HACE1: variants seen among roughly 807,000 people sequenced by gnomAD.
HACE1 encodes HECT domain and ankyrin repeat containing E3 ubiquitin protein ligase 1.
In HACE1, 73 loss-of-function variants were observed where a neutral mutation model predicts 118.4. The ratio of observed to expected loss-of-function variants is 0.62; its 90% CI spans 0.51 to 0.75. The LOEUF (loss-of-function observed/expected upper bound fraction) is 0.75, where lower values mean the gene tolerates loss of function less well. Among genes scored for constraint, HACE1 ranks in the 30% least tolerant of loss-of-function variants. The pLI, the probability that HACE1 is intolerant of heterozygous loss-of-function variation, is 0.00. For synonymous variants in HACE1, 368 were observed against 374.8 expected (o/e 0.98, Z 0.21); for missense variants, 749 against 1,102.2 (o/e 0.68, Z 4.54).
chr6:104,774,336 C>T (rs1276720561), intron 17 of HACE1, among the ~76,000 whole-genome samples: 9 of 110,892 alleles, frequency 8.1e-5, no homozygotes, highest in Non-Finnish European at 1.7e-4. Flanking sequence ...GTGATCCGCC[C>T]GCCTCGGCCT....
intron 19 of HACE1, among the ~76,000 whole-genome samples, chr6:104,760,912 CAGAG>C (rs1047328235): frequency 1.3e-5 from 2 of 152,056 alleles, no homozygotes; most frequent in African/African-American, 4.8e-5. Context: ...AAGAGACAAA[CAGAG>C]AGACAAATCA....
chr6:104,752,680 G>T (rs1778190662), intron 19 of HACE1, among the ~76,000 whole-genome samples: 1 of 151,846 alleles, frequency 6.6e-6, no homozygotes, highest in South Asian at 2.1e-4. Flanking sequence ...ATATCTATCA[G>T]AATAGTATAT....
chr6:104,808,753 C>T (rs1041814746), intron 7 of HACE1, among the ~76,000 whole-genome samples: 93 of 152,144 alleles, frequency 6.1e-4, no homozygotes, highest in African/African-American at 2.2e-3. Context: ...TCAGAAATAA[C>T]ACATTGGGAA....
chr6:104,826,734 C>T (rs577442520), intron 6 of HACE1, among the ~76,000 whole-genome samples: 17 of 152,272 alleles, frequency 1.1e-4, no homozygotes, highest in African/African-American at 4.1e-4. Flanking sequence ...TTAAGAGCTA[C>T]GCTACATTTA....
At chr6:104,804,177 AAGG>A (rs1476877180) in intron 7 of HACE1, among the ~76,000 whole-genome samples, 3 of 152,234 alleles carry the variant, frequency 2.0e-5, no homozygotes, top group African/African-American at 7.2e-5. Context: ...GGACCTCTTC[AAGG>A]AGAACTACAA....
At chr6:104,797,680 T>G (rs899238579) in intron 7 of HACE1, among the ~76,000 whole-genome samples, 4 of 152,058 alleles carry the variant, frequency 2.6e-5, no homozygotes, top group African/African-American at 9.7e-5. Flanking sequence ...AACTCTCCTA[T>G]CCATATGCCT....
At chr6:104,811,879 T>C (rs922742142) in intron 6 of HACE1, among the ~76,000 whole-genome samples, 3 of 152,034 alleles carry the variant, frequency 2.0e-5, no homozygotes, top group African/African-American at 4.8e-5. Context: ...GAATAATAAC[T>C]TTCCCAAAGT....
chr6:104,857,786 T>C lies in HACE1; in HGVS notation c.76+1781A>G, dbSNP rs1227843478. Among the ~76,000 whole-genome samples, 11 of 151,752 alleles carry C rather than the reference T, an allele frequency of 7.2e-5. No individual in the cohort carries two copies. The East Asian group carries it at 2.1e-3, about 29-fold the overall frequency. On this transcript the variant is annotated intron_variant, in intron 1 of 23. Transcript: ENST00000262903. ...TCCTAGCTAACACGGTGAAACCCCGTCTCTACTAAAAATACAAAAAATTAG... is the reference window on the plus strand; with the variant it reads ...TCCTAGCTAACACGGTGAAACCCCGCCTCTACTAAAAATACAAAAAATTAG...
intron 6 of HACE1, among the ~76,000 whole-genome samples, chr6:104,824,048 T>C (rs1773059422): frequency 2.0e-5 from 3 of 152,182 alleles, no homozygotes; most frequent in Admixed American, 2.0e-4. Context: ...AAGGTCTACT[T>C]AGTGTTAGGC....
intron 23 of HACE1, among the ~76,000 whole-genome samples, 154 bp downstream of exon 23, chr6:104,730,149 A>C (rs1004417972): frequency 2.0e-5 from 3 of 152,160 alleles, no homozygotes; most frequent in Admixed American, 1.3e-4. Flanking sequence ...ACAGGGGCAC[A>C]AAAAACTACA....
chr6:104,787,618 A>G, intron 11 of HACE1, among the ~76,000 whole-genome samples: 1 of 152,228 alleles, frequency 6.6e-6, no homozygotes. Context: ...GAGAAAAGAT[A>G]AAACCTAGAA....
intron 1 of HACE1, among the ~76,000 whole-genome samples, chr6:104,858,951 C>T (rs1250289888): frequency 6.6e-6 from 1 of 152,272 alleles, no homozygotes; most frequent in Non-Finnish European, 1.5e-5. Flanking sequence ...GTCCTAGTTA[C>T]CAGCTAGCCC....
chr6:104,795,470 T>C, intron 10 of HACE1, 109 bp downstream of exon 10: 1 of 754,844 alleles, frequency 1.3e-6, no homozygotes. Flanking sequence ...AGCAAATTTT[T>C]ATAACATCGT....
At chr6:104,838,096 T>C (rs1316890774) in intron 5 of HACE1, among the ~76,000 whole-genome samples, 1 of 152,006 alleles carries the variant, frequency 6.6e-6, no homozygotes, top group Admixed American at 6.6e-5. Flanking sequence ...TTCCTAAGGG[T>C]TGGAAGAATC....
intron 5 of HACE1, among the ~76,000 whole-genome samples, chr6:104,839,373 A>G (rs1774866402): frequency 6.6e-6 from 1 of 152,240 alleles, no homozygotes; most frequent in Non-Finnish European, 1.5e-5. Flanking sequence ...GATAAGTATA[A>G]CCTAGATAAG....
At chr6:104,736,281 T>TTTA (rs1008073158) in intron 22 of HACE1, among the ~76,000 whole-genome samples, 3 of 151,712 alleles carry the variant, frequency 2.0e-5, no homozygotes, top group Admixed American at 6.6e-5. Context: ...TTTATTATTT[T>TTTA]TTATTATTAT....
At chr6:104,756,211 G>C (rs927442854) in intron 19 of HACE1, among the ~76,000 whole-genome samples, 1 of 151,818 alleles carries the variant, frequency 6.6e-6, no homozygotes, top group African/African-American at 2.4e-5. Context: ...AGGAGTTCTA[G>C]ACCAGCTGGG....
intron 17 of HACE1, among the ~76,000 whole-genome samples, chr6:104,772,558 A>G (rs1445524928): frequency 1.3e-5 from 2 of 152,210 alleles, no homozygotes; most frequent in Non-Finnish European, 2.9e-5. Flanking sequence ...GAGAATAACT[A>G]AAAACTGTAA....
At position 104,785,006 on chromosome 6, in the gene HACE1, C is replaced by T. The variant is rs763324143; in HGVS notation, c.1388G>A (p.Cys463Tyr). 1.2e-6 allele frequency: 2 copies of T among 1,613,126 alleles called. No homozygotes were observed. Among genetic ancestry groups the T allele is most frequent in the Non-Finnish European group, 1.7e-6 (2 of 1,179,434 alleles). ...SAVIQAFYMC[C>Y]SCQMPPGMTS... ...TTACCCCGGAGGCATCTGACAAGAA[C>T]AGCACATGTAAAAAGCTTGAATGAC... Residue 463 changes from cysteine to tyrosine, a missense_variant, in exon 12 of 24, where the codon TGT becomes TAT. This residue lies in a region of HACE1 where 195 missense variants were observed against 322.1 expected (regional missense o/e 0.61). Coordinates refer to ENST00000262903, the MANE Select transcript of HACE1 (RefSeq NM_020771.4).
Sources: allele counts gnomAD v4.1 joint callset (sites outside exome capture counted in the v4.1 genomes callset), GRCh38; gene constraint gnomAD v4.1.1; regional missense constraint gnomAD v4.1.1; transcripts MANE v1.5; gene names NCBI Gene and HGNC (gene_info 2026-07-23, HGNC 2026-07-21).